Variants in SLC16A1 observed in about 807,000 individuals in gnomAD.
SLC16A1 encodes solute carrier family 16 member 1.
SLC16A1 carries 11 observed loss-of-function variants against 32.2 expected under a neutral mutation model. That is an observed-to-expected ratio of 0.34 (90% CI 0.21 to 0.56). The LOEUF is 0.56. Ranked by LOEUF, SLC16A1 falls within the 20% of genes least tolerant of loss-of-function variation. SLC16A1 has a pLI of 0.87. For synonymous variants in SLC16A1, 231 were observed against 226.8 expected, an observed-to-expected ratio of 1.02 and a Z score of -0.17; for missense variants, 435 against 615.0, an observed-to-expected ratio of 0.71 and a Z score of 3.10.
intron 1 of SLC16A1, among the ~76,000 whole-genome samples, chr1:112,938,577 T>C (rs1649390648): frequency 1.3e-5 from 2 of 152,184 alleles, no homozygotes; most frequent in South Asian, 4.1e-4. Flanking sequence ...TCTTAAAAAA[T>C]ATAAACCTGT....
At chr1:112,916,626 C>T (rs1319398150) in intron 4 of SLC16A1, among the ~76,000 whole-genome samples, 3 of 150,836 alleles carry the variant, frequency 2.0e-5, no homozygotes, top group Non-Finnish European at 2.9e-5. Flanking sequence ...ATCAGTTTTG[C>T]GATCAGAAAA....
intron 1 of SLC16A1, among the ~76,000 whole-genome samples, chr1:112,943,138 T>C (rs752364491): frequency 3.2e-4 from 49 of 152,150 alleles, no homozygotes; most frequent in Non-Finnish European, 5.4e-4. Context: ...ATAAGAAAGG[T>C]GTGGGGGTAT....
intron 4 of SLC16A1, 53 bp from the exon 5 acceptor site, chr1:112,914,218 T>C (rs181761614): frequency 5.4e-5 from 87 of 1,604,086 alleles, no homozygotes; most frequent in Non-Finnish European, 6.1e-5. Flanking sequence ...ACAGTTTTTT[T>C]TTCCCCCAAG....
chr1:112,922,781 C>A (rs1648784022), intron 2 of SLC16A1, among the ~76,000 whole-genome samples: 1 of 151,958 alleles, frequency 6.6e-6, no homozygotes. Context: ...TCTCAAAAAA[C>A]AAACAAACAA....
At chr1:112,940,441 G>A (rs772551163) in intron 1 of SLC16A1, among the ~76,000 whole-genome samples, 4 of 152,052 alleles carry the variant, frequency 2.6e-5, no homozygotes, top group Non-Finnish European at 4.4e-5. Context: ...CTTTGAGAAC[G>A]GCTGTTTTTT....
chr1:112,931,848 C>T (rs1479822364), intron 1 of SLC16A1, among the ~76,000 whole-genome samples: 1 of 151,952 alleles, frequency 6.6e-6, no homozygotes, highest in East Asian at 1.9e-4. Context: ...GTCTCCTTTA[C>T]TTTAAGCCAA....
In SLC16A1 at chr1:112,929,217, C is replaced by T. The variant is rs1433333667; in HGVS notation, c.92G>A (p.Gly31Asp). The T allele has an allele frequency of 6.2e-7, 1 of 1,614,048 alleles. No homozygotes were observed. Among genetic ancestry groups the T allele is most frequent in the Non-Finnish European group, 8.5e-7 (1 of 1,180,008 alleles). Residue 31 changes from glycine to aspartate, a missense_variant, in exon 2 of 5, where the codon GGC (glycine) becomes GAC (aspartate). By Grantham distance (94) the Gly-to-Asp change is moderately conservative (BLOSUM62 -1). Coordinates refer to ENST00000369626, the MANE Select transcript of SLC16A1 (RefSeq NM_003051.4). Reference protein sequence around the residue: ...AVVIGAFISIGFSYAFPKSIT... With the variant: ...AVVIGAFISIDFSYAFPKSIT... ...TGATTTGGGAAATGCATAAGAGAAGCCGATGGAAATGAAAGCTCCAATTAC... is the reference window on the plus strand; with the variant it reads ...TGATTTGGGAAATGCATAAGAGAAGTCGATGGAAATGAAAGCTCCAATTAC...
chr1:112,915,850 A>G (rs1648485238), intron 4 of SLC16A1, among the ~76,000 whole-genome samples: 2 of 152,232 alleles, frequency 1.3e-5, no homozygotes, highest in African/African-American at 4.8e-5. Context: ...CAAAGTTCCT[A>G]AAGTATGAGT....
In SLC16A1 at chr1:112,931,594, G is replaced by A. The variant is rs1418894397; in HGVS notation, c.-44-2242C>T. On this transcript the variant is annotated intron_variant, in intron 1 of 4. Coordinates refer to ENST00000369626, the MANE Select transcript of SLC16A1 (RefSeq NM_003051.4). Reference sequence around the variant, plus strand: ...CGGGAGGCGGAGGTTGCAGTGAGCCGGGATCATGCCACTGCACTCCAGTCT... The same window carrying A: ...CGGGAGGCGGAGGTTGCAGTGAGCCAGGATCATGCCACTGCACTCCAGTCT... Among the ~76,000 whole-genome samples, 12 of 147,456 alleles carry A rather than the reference G, an allele frequency of 8.1e-5. No individual in the cohort carries two copies. In the East Asian group the frequency reaches 1.6e-3, roughly 19 times the overall value.
Position 112,913,579 on chromosome 1 carries a change from C to CT in SLC16A1, c.*311dup. On this transcript the variant is annotated 3_prime_UTR_variant, in exon 5 of 5. Transcript: ENST00000369626. ...GCAAAAATGGTTTAAGAAGTTAAGG[C>CT]TCTCTAGAGTTCTAAAGACTAAAAC... 3.1e-6 allele frequency: 1 copy of CT among 321,556 alleles called. No homozygotes were observed. Among genetic ancestry groups the CT allele is most frequent in the Non-Finnish European group, 5.8e-6 (1 of 172,598 alleles). 19.9% of individuals were successfully genotyped at this position (321,556 alleles called of 1,614,324 possible).
At chr1:112,941,294 T>A (rs200155299) in intron 1 of SLC16A1, among the ~76,000 whole-genome samples, 4,806 of 150,364 alleles carry the variant, frequency 0.032, 301 homozygotes, top group East Asian at 0.22. Flanking sequence ...TTTTTTTTTT[T>A]TTTTGAGACA....
chr1:112,950,137 T>C (rs1284107012), intron 1 of SLC16A1, among the ~76,000 whole-genome samples: 1 of 150,414 alleles, frequency 6.6e-6, no homozygotes. Flanking sequence ...TATAGGTTAA[T>C]GAAAAGATAT....
At chr1:112,915,705 T>C (rs1246578128) in intron 4 of SLC16A1, among the ~76,000 whole-genome samples, 1 of 151,816 alleles carries the variant, frequency 6.6e-6, no homozygotes, top group Non-Finnish European at 1.5e-5. Flanking sequence ...TGGAGAAAAA[T>C]GGGCAGATGA....
rs1314519976 is a variant in SLC16A1 at position 112,913,834 on chromosome 1, A to G, written c.*57T>C. 5.6e-6 allele frequency: 9 copies of G among 1,601,348 alleles called. No individual in the cohort carries two copies. In the East Asian group the frequency reaches 1.6e-4, roughly 28 times the overall value. On this transcript the variant is annotated 3_prime_UTR_variant, in exon 5 of 5. Coordinates refer to ENST00000369626, the MANE Select transcript of SLC16A1 (RefSeq NM_003051.4). Reference sequence around the variant, plus strand: ...CACTGGTAGATTACAGGCCAGTAGAATATTTTCAGATATCCTGGGTCATGA... The same window carrying G: ...CACTGGTAGATTACAGGCCAGTAGAGTATTTTCAGATATCCTGGGTCATGA...
intron 2 of SLC16A1, 83 bp downstream of exon 2, chr1:112,929,007 CTT>C (rs10627911): frequency 7.5e-4 from 603 of 803,102 alleles, no homozygotes; most frequent in African/African-American, 1.5e-3. Context: ...CTGAATAAGA[CTT>C]TTTTTTTTTT....
Position 112,923,382 on chromosome 1 carries a change from A to C in SLC16A1, c.218-1249T>G, listed in dbSNP as rs1648808505. 8.4e-6 allele frequency: 5 copies of C among 593,236 alleles called. No homozygotes were observed. In the South Asian group the frequency reaches 8.8e-5, roughly 10 times the overall value. The allele number at this position is 593,236 out of a possible 1,614,324, so 36.7% of individuals were successfully genotyped here. ...GGGAGCTGATGCTTCCAACCACTGC[A>C]CGTTGCTCCCGGGCTGTCGCAGTCT... On this transcript the variant is annotated intron_variant, in intron 2 of 4. Transcript: ENST00000369626.
At chr1:112,931,950 C>CAG (rs756492641) in intron 1 of SLC16A1, among the ~76,000 whole-genome samples, 32 of 152,108 alleles carry the variant, frequency 2.1e-4, no homozygotes, top group Non-Finnish European at 3.8e-4. Flanking sequence ...GAACACAGGT[C>CAG]AGAGATGACA....
At chr1:112,949,040 T>G (rs1649799869) in intron 1 of SLC16A1, among the ~76,000 whole-genome samples, 1 of 151,724 alleles carries the variant, frequency 6.6e-6, no homozygotes, top group African/African-American at 2.4e-5. Flanking sequence ...TTTTTAGTAG[T>G]AGAGACAGGG....
At chr1:112,923,933 T>G in intron 2 of SLC16A1, 1 of 1,519,194 alleles carries the variant, frequency 6.6e-7, no homozygotes, top group South Asian at 1.1e-5. Flanking sequence ...TGAGGTTCTA[T>G]GCCTTCAACC....
Sources: allele counts gnomAD v4.1 joint callset (sites outside exome capture counted in the v4.1 genomes callset), GRCh38; gene constraint gnomAD v4.1.1; transcripts MANE v1.5; gene names NCBI Gene and HGNC (gene_info 2026-07-23, HGNC 2026-07-21).